OSBPL10: variants seen among roughly 807,000 people sequenced by gnomAD.
OSBPL10 encodes the protein oxysterol-binding protein-related protein 10.
Under a neutral mutation model 81.7 loss-of-function variants are expected in OSBPL10, and 49 were observed. The ratio of observed to expected loss-of-function variants is 0.60; its 90% confidence interval spans 0.48 to 0.76. The LOEUF is 0.76. Ranked by LOEUF, OSBPL10 falls within the 30% of genes least tolerant of loss-of-function variation. The probability of loss-of-function intolerance (pLI) is 0.00; values close to 1 mark genes in which losing one functional copy is unlikely to be tolerated. For missense variants in OSBPL10, 923 were observed against 987.8 expected (o/e 0.93, Z 0.88); for synonymous variants, 419 against 383.6 (o/e 1.09, Z -1.08).
At chr3:31,932,690 G>C (rs35133414) in intron 1 of OSBPL10, among the ~76,000 whole-genome samples, 31,606 of 151,524 alleles carry the variant, frequency 0.21, 3,845 homozygotes, top group Non-Finnish European at 0.28. Flanking sequence ...AATGATGTCT[G>C]CTCCTTCTCC....
chr3:31,956,426 G>A (rs1449097115), intron 1 of OSBPL10, among the ~76,000 whole-genome samples: 7 of 152,172 alleles, frequency 4.6e-5, no homozygotes, highest in African/African-American at 1.7e-4. Context: ...ACATAAAAAT[G>A]ATGGCCTTTT....
intron 4 of OSBPL10, among the ~76,000 whole-genome samples, chr3:31,784,399 AAAAAGG>A (rs926138640): frequency 4.6e-4 from 69 of 150,414 alleles, no homozygotes; most frequent in East Asian, 4.3e-3. Flanking sequence ...AAAGGAAAGG[AAAAAGG>A]AAAAGGAAAA....
chr3:31,677,302 A>T (rs1700504641), intron 8 of OSBPL10, among the ~76,000 whole-genome samples: 1 of 152,188 alleles, frequency 6.6e-6, no homozygotes, highest in South Asian at 2.1e-4. Flanking sequence ...CCTGCATTAC[A>T]GCGGACACAT....
At chr3:31,774,688 T>G (rs1287856690) in intron 4 of OSBPL10, among the ~76,000 whole-genome samples, 1 of 151,598 alleles carries the variant, frequency 6.6e-6, no homozygotes, top group African/African-American at 2.4e-5. Flanking sequence ...AATTTTTGTA[T>G]TTTTAGTAGA....
At chr3:31,711,335 T>C (rs1001356160) in intron 6 of OSBPL10, among the ~76,000 whole-genome samples, 2 of 152,168 alleles carry the variant, frequency 1.3e-5, no homozygotes, top group Non-Finnish European at 2.9e-5. Flanking sequence ...TATACAAATC[T>C]GGGGAGAAAG....
intron 8 of OSBPL10, among the ~76,000 whole-genome samples, chr3:31,682,474 G>A (rs77452445): frequency 6.6e-5 from 10 of 152,166 alleles, no homozygotes; most frequent in Non-Finnish European, 1.3e-4. Context: ...CATTTTACCT[G>A]TAGGCCTCTG....
intron 2 of OSBPL10, chr3:31,990,713 C>T: frequency 6.2e-7 from 1 of 1,613,698 alleles, no homozygotes; most frequent in East Asian, 2.2e-5. Flanking sequence ...GAATGTGACA[C>T]AGTTTTCAGT....
Position 31,781,982 on chromosome 3 carries a change from A to G in OSBPL10, c.730-33862T>C, listed in dbSNP as rs189924620. Among the ~76,000 whole-genome samples the G allele has an allele frequency of 6.6e-4, 101 of 152,224 alleles. 1 individual carries two copies. Among genetic ancestry groups the G allele is most frequent in the Non-Finnish European group, 7.5e-4 (51 of 68,020 alleles). The stretch of plus-strand genomic sequence containing the variant: ...TAAAATTCATATGGAACCAAAAAAG[A>G]CCCTGCATAGCCAAAGCAAGACTAG... On this transcript the variant is annotated intron_variant, in intron 4 of 11. Transcript: ENST00000396556.
intron 1 of OSBPL10, among the ~76,000 whole-genome samples, chr3:32,068,260 C>A (rs545368846): frequency 1.2e-3 from 188 of 152,188 alleles, no homozygotes; most frequent in African/African-American, 4.3e-3. Context: ...ACTGCGGGGA[C>A]CCCTGCCTGA....
In OSBPL10 at chr3:31,862,443, A is replaced by T. The variant is rs140752982; in HGVS notation, c.537+13990T>A. ...AAAGATGTCTGCGTTCCACCCTAGA[A>T]CTTTAACTATCATGAACAAATGCAA... On this transcript the variant is annotated intron_variant, in intron 3 of 11. Transcript: ENST00000396556. 7.4e-4 allele frequency among the ~76,000 whole-genome samples: 112 copies of T among 152,296 alleles called. 2 individuals carry two copies. The highest frequency in any genetic ancestry group is 6.7e-3 in the Admixed American group (102 of 15,300).
chr3:31,964,597 T>G (rs1336060128), intron 1 of OSBPL10, among the ~76,000 whole-genome samples: 1 of 152,212 alleles, frequency 6.6e-6, no homozygotes, highest in East Asian at 1.9e-4. Flanking sequence ...AAGTCTGAGT[T>G]GGAGTCAATT....
At chr3:31,712,800 G>A (rs1342681593) in intron 6 of OSBPL10, among the ~76,000 whole-genome samples, 2 of 152,224 alleles carry the variant, frequency 1.3e-5, no homozygotes, top group Admixed American at 1.3e-4. Context: ...CAGACTTACT[G>A]TGTCTAAAAC....
At chr3:31,996,498 A>AG (rs36070904) in intron 2 of OSBPL10, among the ~76,000 whole-genome samples, 50,468 of 151,594 alleles carry the variant, frequency 0.33, 11,433 homozygotes, top group African/African-American at 0.64. Context: ...ATAAATTGCC[A>AG]GGGGGAGAAG....
chr3:31,838,428 G>A (rs1395707062), intron 3 of OSBPL10, among the ~76,000 whole-genome samples: 2 of 150,454 alleles, frequency 1.3e-5, no homozygotes, highest in African/African-American at 2.5e-5. Context: ...GGAGAATGGC[G>A]TGAACCCGGG....
Position 31,980,984 on chromosome 3 carries a change from A to C in OSBPL10, c.196T>G (p.Ser66Ala), listed in dbSNP as rs751090805. ...TCCCTCCTGCGGCCGCCTCCCCCGG[A>C]CGGGCTAGCGGCCACAGAGCCCGGG... ...SSPGSVAASP[S>A]GGGGRRREPA... The change falls in exon 1 of 12, where the codon TCC becomes GCC. Residue 66 changes from serine to alanine, a missense_variant. Transcript: ENST00000396556. 6.4e-7 allele frequency: 1 copy of C among 1,551,562 alleles called. No individual in the cohort carries two copies. Among genetic ancestry groups the C allele is most frequent in the Non-Finnish European group, 8.7e-7 (1 of 1,154,166 alleles).
chr3:32,076,230 A>G (rs1009544739), intron 1 of OSBPL10, among the ~76,000 whole-genome samples: 1 of 152,084 alleles, frequency 6.6e-6, no homozygotes. Context: ...TAGCCAGGCA[A>G]GGTGGCGAGC....
At chr3:32,068,214 G>A (rs947157256) in intron 1 of OSBPL10, among the ~76,000 whole-genome samples, 31 of 152,176 alleles carry the variant, frequency 2.0e-4, no homozygotes, top group African/African-American at 6.0e-4. Context: ...CGCCAGTCAC[G>A]GACTCGGGAA....
Position 31,981,038 on chromosome 3 carries a change from C to G in OSBPL10, c.142G>C (p.Gly48Arg). Residue 48 changes from glycine to arginine, a missense_variant, in exon 1 of 12, where the codon GGG becomes CGG. Coordinates refer to ENST00000396556, the MANE Select transcript of OSBPL10 (RefSeq NM_017784.5). This position sits in a 1 kb window ranked among gnomAD's most constrained non-coding sequence, Gnocchi z 4.5. ...RGVSSRSAAAGLGGGGSRSSP... is the reference protein window; with the variant it reads ...RGVSSRSAAARLGGGGSRSSP... ...CTGCGGCTTCCCCCGCCGCCGAGCC[C>G]GGCCGCCGCCGACCGGCTGGAGACC... is the stretch of plus-strand genomic sequence containing the variant. 1 of 1,473,994 alleles carries G rather than the reference C, an allele frequency of 6.8e-7. No individual in the cohort carries two copies. The highest frequency in any genetic ancestry group is 8.9e-7 in the Non-Finnish European group (1 of 1,117,322). The allele number at this position is 1,473,994 out of a possible 1,614,324, so 91.3% of individuals were successfully genotyped here.
intron 4 of OSBPL10, among the ~76,000 whole-genome samples, chr3:31,774,950 T>C (rs1401871703): frequency 6.6e-6 from 1 of 151,520 alleles, no homozygotes; most frequent in African/African-American, 2.4e-5. Context: ...GTGGATCACC[T>C]GAGGTCAGGA....
Sources: gnomAD v4.1 joint callset for allele counts (sites outside exome capture counted in the v4.1 genomes callset) on GRCh38, gnomAD v4.1.1 for gene constraint, Gnocchi (gnomAD v3.1) non-coding constraint, MANE v1.5 for transcripts, NCBI Gene and HGNC (gene_info 2026-07-23, HGNC 2026-07-21) for gene names.